The following MED27 variants were observed in gnomAD, a reference collection of about 807,000 sequenced individuals.
The protein encoded by MED27 is mediator of RNA polymerase II transcription subunit 27.
MED27 carries 30 observed loss-of-function variants against 38.2 expected under a neutral mutation model. The observed-to-expected ratio is 0.79, with a 90% CI of 0.59 to 1.07. The LOEUF is 1.07. Ranked by LOEUF, MED27 falls within the 50% of genes least tolerant of loss-of-function variation. The probability of loss-of-function intolerance (pLI) is 0.00; values close to 1 mark genes in which losing one functional copy is unlikely to be tolerated. For missense variants in MED27, 289 were observed against 397.5 expected (o/e 0.73, Z 2.32); for synonymous variants, 122 against 153.5 (o/e 0.79, Z 1.52).
chr9:131,890,871 G>A (rs143964307), intron 5 of MED27, among the ~76,000 whole-genome samples: 1 of 152,354 alleles, frequency 6.6e-6, no homozygotes, highest in East Asian at 1.9e-4. Flanking sequence ...GCCACCGTGG[G>A]CAAAGTTCGC....
chr9:132,061,404 T>C (rs1352999115), intron 2 of MED27, among the ~76,000 whole-genome samples: 1 of 152,164 alleles, frequency 6.6e-6, no homozygotes, highest in Non-Finnish European at 1.5e-5. Flanking sequence ...GGTTGTAAGA[T>C]CTTGCTTTTT....
chr9:132,002,223 A>G (rs1432483508), intron 3 of MED27, among the ~76,000 whole-genome samples: 1 of 152,204 alleles, frequency 6.6e-6, no homozygotes, highest in Non-Finnish European at 1.5e-5. Flanking sequence ...AAACACAAAG[A>G]ATGTCCAGTT....
At chr9:131,966,734 G>GCT (rs1831358991) in intron 3 of MED27, among the ~76,000 whole-genome samples, 1 of 152,164 alleles carries the variant, frequency 6.6e-6, no homozygotes, top group Non-Finnish European at 1.5e-5. Context: ...TCAAGTCCTT[G>GCT]CTCTGGCAGG....
intron 3 of MED27, among the ~76,000 whole-genome samples, chr9:131,941,986 T>C (rs748186206): frequency 7.2e-5 from 11 of 151,902 alleles, no homozygotes; most frequent in Non-Finnish European, 1.5e-4. Flanking sequence ...CCACCACGCC[T>C]GGCTAACTTT....
intron 4 of MED27, among the ~76,000 whole-genome samples, chr9:131,938,760 G>A (rs1830727195): frequency 6.6e-6 from 1 of 150,662 alleles, no homozygotes; most frequent in Admixed American, 6.6e-5. Flanking sequence ...CACCCAGGCT[G>A]GAGAGTGCAG....
At chr9:131,903,252 AAG>A (rs999831567) in intron 4 of MED27, among the ~76,000 whole-genome samples, 71 of 152,320 alleles carry the variant, frequency 4.7e-4, no homozygotes, top group Admixed American at 2.0e-3. Context: ...GCAGCAGGCA[AAG>A]AGAGAGCTTG....
intron 4 of MED27, among the ~76,000 whole-genome samples, chr9:131,931,571 A>C (rs1830588838): frequency 6.6e-6 from 1 of 152,224 alleles, no homozygotes; most frequent in Admixed American, 6.5e-5. Flanking sequence ...AGAGTAGCTG[A>C]ATAGATAAAA....
chr9:131,978,671 A>AAAC (rs904454178), intron 3 of MED27, among the ~76,000 whole-genome samples: 2 of 152,136 alleles, frequency 1.3e-5, no homozygotes, highest in South Asian at 2.1e-4. Context: ...TAAAAAGTTA[A>AAAC]AACAACAACA....
intron 6 of MED27, among the ~76,000 whole-genome samples, chr9:131,873,404 G>C (rs555889784): frequency 6.6e-6 from 1 of 152,214 alleles, no homozygotes. Context: ...TGGGGAGTGC[G>C]CAGAGACGAG....
At chr9:132,025,927 GA>G (rs2131094906) in intron 2 of MED27, among the ~76,000 whole-genome samples, 1 of 152,240 alleles carries the variant, frequency 6.6e-6, no homozygotes, top group East Asian at 1.9e-4. Context: ...TGTATCTGAT[GA>G]AAAAAACCTT....
chr9:131,876,338 T>G (rs1838932678), intron 6 of MED27, among the ~76,000 whole-genome samples: 2 of 152,062 alleles, frequency 1.3e-5, no homozygotes, highest in Admixed American at 1.3e-4. Flanking sequence ...CAGCGTGCCC[T>G]CAGAAAGTCA....
chr9:131,971,466 G>C (rs535622638), intron 3 of MED27, among the ~76,000 whole-genome samples: 1 of 152,194 alleles, frequency 6.6e-6, no homozygotes, highest in Non-Finnish European at 1.5e-5. Context: ...AATTTATCGC[G>C]AATGTGATGA....
chr9:131,888,661 C>T (rs1839180048), intron 5 of MED27, among the ~76,000 whole-genome samples: 2 of 152,178 alleles, frequency 1.3e-5, no homozygotes, highest in African/African-American at 4.8e-5. Flanking sequence ...CTTTTAGAAC[C>T]TCTATTTAGT....
intron 4 of MED27, among the ~76,000 whole-genome samples, chr9:131,934,942 T>C (rs1056883400): frequency 5.3e-5 from 8 of 152,182 alleles, no homozygotes; most frequent in African/African-American, 1.7e-4. Context: ...TGTTAAGTTA[T>C]GTGAAATAAG....
intron 6 of MED27, among the ~76,000 whole-genome samples, chr9:131,875,196 C>T (rs554832198): frequency 6.6e-6 from 1 of 152,306 alleles, no homozygotes; most frequent in South Asian, 2.1e-4. Flanking sequence ...GACCCAGGAT[C>T]CTGCCTACAT....
At chr9:132,028,030 A>G (rs1832861783) in intron 2 of MED27, among the ~76,000 whole-genome samples, 1 of 152,154 alleles carries the variant, frequency 6.6e-6, no homozygotes, top group African/African-American at 2.4e-5. Context: ...CAGGGCACAC[A>G]CACAGCCGGA....
At chr9:132,075,142 C>T (rs937072046) in intron 2 of MED27, among the ~76,000 whole-genome samples, 23 of 152,084 alleles carry the variant, frequency 1.5e-4, no homozygotes, top group African/African-American at 4.3e-4. Context: ...TGCAAGTAAA[C>T]GGGGAAAAAA....
chr9:132,018,589 G>A (rs539752042), intron 2 of MED27, among the ~76,000 whole-genome samples: 1 of 152,152 alleles, frequency 6.6e-6, no homozygotes, highest in African/African-American at 2.4e-5. Flanking sequence ...TCATCACACC[G>A]ATCATGTTCA....
chr9:131,904,850 A>T (rs1203369465), intron 4 of MED27, among the ~76,000 whole-genome samples: 1 of 152,230 alleles, frequency 6.6e-6, no homozygotes, highest in African/African-American at 2.4e-5. Context: ...TCCATTTACC[A>T]AGTGTTATAA....
Sources: gnomAD v4.1 joint callset for allele counts (sites outside exome capture counted in the v4.1 genomes callset) on GRCh38, gnomAD v4.1.1 for gene constraint, MANE v1.5 for transcripts, NCBI Gene and HGNC (gene_info 2026-07-23, HGNC 2026-07-21) for gene names.